PROM1: variants seen among roughly 807,000 people sequenced by gnomAD.
PROM1 encodes the protein prominin-1.
In PROM1, 105 loss-of-function variants were observed where a neutral mutation model predicts 116.9. That is an observed-to-expected ratio of 0.90 (90% confidence interval 0.77 to 1.06). PROM1 has a LOEUF of 1.06. PROM1 is among the 50% of genes least tolerant of loss of function. The probability of loss-of-function intolerance (pLI) is 0.00; values close to 1 mark genes in which losing one functional copy is unlikely to be tolerated. For missense variants in PROM1, 1,122 were observed against 1,045.2 expected (o/e 1.07, Z -1.01); for synonymous variants, 393 against 387.0 (o/e 1.02, Z -0.18).
At chr4:15,999,012 G>A (rs1723022548) in intron 14 of PROM1, among the ~76,000 whole-genome samples, 1 of 152,004 alleles carries the variant, frequency 6.6e-6, no homozygotes, top group African/African-American at 2.4e-5. Context: ...TTACAGGCGT[G>A]AGCCACCACG....
chr4:15,974,098 GAC>G (rs768535994), intron 26 of PROM1, among the ~76,000 whole-genome samples: 13 of 133,526 alleles, frequency 9.7e-5, no homozygotes, highest in African/African-American at 1.6e-4. Context: ...CACACACACA[GAC>G]ACACACACTC....
At chr4:16,027,350 A>G (rs753439631) in intron 5 of PROM1, among the ~76,000 whole-genome samples, 4 of 151,286 alleles carry the variant, frequency 2.6e-5, no homozygotes, top group Non-Finnish European at 4.4e-5. Context: ...ATGCACCTGG[A>G]GCTTGCTGCC....
intron 27 of PROM1, among the ~76,000 whole-genome samples, chr4:15,970,037 C>T (rs555967323): frequency 3.7e-4 from 57 of 152,104 alleles, no homozygotes; most frequent in Non-Finnish European, 7.4e-4. Flanking sequence ...TCATGGTTCA[C>T]TGCATCTTTG....
intron 8 of PROM1, among the ~76,000 whole-genome samples, chr4:16,018,923 A>C (rs1466640835): frequency 6.6e-6 from 1 of 152,234 alleles, no homozygotes; most frequent in Non-Finnish European, 1.5e-5. Flanking sequence ...AAAATGGATT[A>C]CGCCCAGATA....
chr4:16,006,113 A>T (rs369881421), intron 13 of PROM1, among the ~76,000 whole-genome samples: 1 of 152,220 alleles, frequency 6.6e-6, no homozygotes, highest in East Asian at 1.9e-4. Flanking sequence ...TAGAATTTCA[A>T]GCTAGCAATA....
chr4:16,020,583 T>A (rs1033036126), intron 8 of PROM1, among the ~76,000 whole-genome samples: 1 of 152,126 alleles, frequency 6.6e-6, no homozygotes, highest in African/African-American at 2.4e-5. Context: ...ACACTTCATG[T>A]TTTAATGTTC....
chr4:16,028,461 T>C (rs1731873345), intron 5 of PROM1, among the ~76,000 whole-genome samples: 1 of 152,150 alleles, frequency 6.6e-6, no homozygotes, highest in Non-Finnish European at 1.5e-5. Flanking sequence ...ATGTGAAATA[T>C]CCCAATTTTT....
chr4:16,077,580 G>A (rs1034977216), intron 1 of PROM1, among the ~76,000 whole-genome samples: 2 of 151,666 alleles, frequency 1.3e-5, no homozygotes, highest in Non-Finnish European at 2.9e-5. Flanking sequence ...CAAGTCTCTC[G>A]TTCCACCTAA....
chr4:16,062,781 G>A (rs1022582785), intron 2 of PROM1, among the ~76,000 whole-genome samples: 3 of 152,212 alleles, frequency 2.0e-5, no homozygotes, highest in African/African-American at 7.2e-5. Context: ...AAAGATTGGT[G>A]AATGTTTTAA....
intron 2 of PROM1, among the ~76,000 whole-genome samples, chr4:16,039,456 G>A (rs142444545): frequency 6.8e-4 from 103 of 152,274 alleles, no homozygotes; most frequent in African/African-American, 2.2e-3. Flanking sequence ...AACTCAACCC[G>A]GCAGGATGCC....
At chr4:15,974,636 A>T (rs1241653549) in intron 26 of PROM1, among the ~76,000 whole-genome samples, 4 of 150,298 alleles carry the variant, frequency 2.7e-5, no homozygotes, top group South Asian at 2.1e-4. Context: ...ACATTAAATA[A>T]TTTTTTTTTT....
intron 3 of PROM1, among the ~76,000 whole-genome samples, chr4:16,036,342 G>C (rs1392171782): frequency 6.6e-6 from 1 of 152,184 alleles, no homozygotes; most frequent in Non-Finnish European, 1.5e-5. Flanking sequence ...AAATCTAAAA[G>C]TGTAGAAACT....
chr4:15,977,061 G>A, intron 26 of PROM1, among the ~76,000 whole-genome samples: 1 of 152,190 alleles, frequency 6.6e-6, no homozygotes, highest in East Asian at 1.9e-4. Context: ...TCGGGCCAAG[G>A]CTTTGGCAGG....
chr4:16,058,675 C>T (rs1250347600), intron 2 of PROM1, among the ~76,000 whole-genome samples: 1 of 151,188 alleles, frequency 6.6e-6, no homozygotes, highest in African/African-American at 2.4e-5. Flanking sequence ...ATGAGAACAC[C>T]GCATTTAAAA....
chr4:15,977,691 C>T (rs760390642), intron 26 of PROM1, among the ~76,000 whole-genome samples: 31 of 152,130 alleles, frequency 2.0e-4, no homozygotes, highest in African/African-American at 3.9e-4. Flanking sequence ...CTCTGCCTCC[C>T]GGGTTCAAGT....
intron 2 of PROM1, among the ~76,000 whole-genome samples, chr4:16,045,638 C>T (rs1446366300): frequency 6.6e-6 from 1 of 152,160 alleles, no homozygotes; most frequent in Non-Finnish European, 1.5e-5. Flanking sequence ...AAAAACAAAA[C>T]AAAACTTTTT....
intron 18 of PROM1, among the ~76,000 whole-genome samples, chr4:15,990,928 GC>G (rs1449263297): frequency 2.0e-5 from 3 of 152,206 alleles, no homozygotes; most frequent in Non-Finnish European, 2.9e-5. Flanking sequence ...CTATGGGGTA[GC>G]CCCCCTCCAG....
chr4:16,070,660 A>G (rs1466733782), intron 2 of PROM1, among the ~76,000 whole-genome samples: 2 of 152,250 alleles, frequency 1.3e-5, no homozygotes, highest in Admixed American at 6.5e-5. Flanking sequence ...AAAGAAACCA[A>G]GAAAACAAGA....
rs1303526679 is a variant in PROM1 at position 16,013,276 on chromosome 4, T to C, written c.1140A>G (p.Ala380=). 1 of 1,603,524 alleles carries C rather than the reference T, an allele frequency of 6.2e-7. No individual in the cohort carries two copies. The highest frequency in any genetic ancestry group is 1.1e-5 in the South Asian group (1 of 90,836). Reference sequence around the variant, plus strand: ...ATCACCTCAAACTGTGAATCTCACCTGCTACGACAGTCGTGGTTTGGCGTT... The same window carrying C: ...ATCACCTCAAACTGTGAATCTCACCCGCTACGACAGTCGTGGTTTGGCGTT... ...RVQRQTTTVV[A]GIKRVLNSIG... Residue 380 remains alanine (A), a splice_region_variant and synonymous_variant, in exon 11 of 28, where the codon GCA becomes GCG. Transcript: ENST00000447510.
Sources: allele counts gnomAD v4.1 joint callset (sites outside exome capture counted in the v4.1 genomes callset), GRCh38; gene constraint gnomAD v4.1.1; transcripts MANE v1.5; gene names NCBI Gene and HGNC (gene_info 2026-07-23, HGNC 2026-07-21).